CABIN1: variants seen among roughly 807,000 people sequenced by gnomAD.
The protein encoded by CABIN1 is calcineurin-binding protein cabin-1.
A neutral mutation model predicts 227.7 loss-of-function variants in CABIN1; 133 were observed. The ratio of observed to expected loss-of-function variants is 0.58; its 90% CI spans 0.51 to 0.67. The LOEUF (loss-of-function observed/expected upper bound fraction) is 0.67. Ranked by LOEUF, CABIN1 falls within the 30% of genes least tolerant of loss-of-function variation. The pLI is 0.00. For missense variants in CABIN1, 2,408 were observed against 2,852.5 expected, an observed-to-expected ratio of 0.84 and a Z score of 3.55; for synonymous variants, 1,086 against 1,155.1, an observed-to-expected ratio of 0.94 and a Z score of 1.21.
chr22:24,110,072 G>A (rs1056727519), intron 26 of CABIN1, among the ~76,000 whole-genome samples: 1 of 152,220 alleles, frequency 6.6e-6, no homozygotes, highest in Non-Finnish European at 1.5e-5. Context: ...TCAGGAGGCT[G>A]AGGCAGGAGG....
chr22:24,081,139 T>C (rs2040779830), intron 19 of CABIN1, among the ~76,000 whole-genome samples: 1 of 152,226 alleles, frequency 6.6e-6, no homozygotes, highest in South Asian at 2.1e-4. Flanking sequence ...TTTCATATAA[T>C]CTTCATGTGT....
chr22:24,148,835 C>T (rs748981668), intron 29 of CABIN1, among the ~76,000 whole-genome samples: 14 of 152,348 alleles, frequency 9.2e-5, no homozygotes, highest in East Asian at 3.9e-4. Context: ...GTGAGCCCAG[C>T]GGAGGCTGTG....
At chr22:24,134,547 G>A in intron 29 of CABIN1, 132 bp downstream of exon 29, 1 of 731,990 alleles carries the variant, frequency 1.4e-6, no homozygotes, top group East Asian at 2.8e-5. Flanking sequence ...GGCAGGCAGG[G>A]TGGTACAGTC....
intron 12 of CABIN1, 41 bp from the exon 13 acceptor site, chr22:24,061,905 CT>C (rs36007391): frequency 4.0e-5 from 58 of 1,456,582 alleles, no homozygotes; most frequent in Non-Finnish European, 5.5e-5. Context: ...TGTGAAGAGG[CT>C]TTGTGATACT....
intron 1 of CABIN1, among the ~76,000 whole-genome samples, chr22:24,024,080 G>A (rs2035912961): frequency 6.6e-6 from 1 of 152,066 alleles, no homozygotes; most frequent in African/African-American, 2.4e-5. Context: ...TTGTTGAATT[G>A]TAGGAGTTCT....
chr22:24,058,960 G>C (rs543895426), intron 10 of CABIN1, among the ~76,000 whole-genome samples: 1 of 152,226 alleles, frequency 6.6e-6, no homozygotes, highest in Non-Finnish European at 1.5e-5. Flanking sequence ...TGTATTTGGT[G>C]CCTAGCACAG....
At chr22:24,092,688 G>GT (rs1491244157) in intron 24 of CABIN1, among the ~76,000 whole-genome samples, 1 of 3,956 alleles carries the variant, frequency 2.5e-4, no homozygotes, top group Non-Finnish European at 5.6e-4. Context: ...GATTATAAAA[G>GT]TGTGTGTGTG....
At chr22:24,108,793 C>G (rs962661320) in intron 26 of CABIN1, among the ~76,000 whole-genome samples, 1 of 152,220 alleles carries the variant, frequency 6.6e-6, no homozygotes, top group African/African-American at 2.4e-5. Context: ...TTTGACAGGC[C>G]TGTTGTGTCA....
At chr22:24,115,085 C>T (rs1453903266) in intron 27 of CABIN1, among the ~76,000 whole-genome samples, 1 of 152,230 alleles carries the variant, frequency 6.6e-6, no homozygotes, top group Non-Finnish European at 1.5e-5. Context: ...AACTTACACT[C>T]TTAACACTAT....
At chr22:24,173,200 A>G (rs1324528878) in intron 34 of CABIN1, 1 of 151,952 alleles carries the variant, frequency 6.6e-6, no homozygotes, top group African/African-American at 2.4e-5. Flanking sequence ...TGAATTTCCT[A>G]CCCATCTGAA....
At chr22:24,175,709 T>C in intron 34 of CABIN1, 1 of 317,914 alleles carries the variant, frequency 3.1e-6, no homozygotes, top group Non-Finnish European at 6.1e-6. Context: ...TTGGGTTGTT[T>C]GGATTTTGGT....
intron 18 of CABIN1, 54 bp downstream of exon 18, chr22:24,072,564 C>G (rs2040168625): frequency 1.2e-6 from 2 of 1,606,296 alleles, no homozygotes; most frequent in Non-Finnish European, 1.7e-6. Flanking sequence ...TGTCCTTGCC[C>G]CTGTCCTCTG....
intron 29 of CABIN1, among the ~76,000 whole-genome samples, chr22:24,163,933 C>T (rs1259528477): frequency 6.6e-6 from 1 of 152,210 alleles, no homozygotes; most frequent in East Asian, 1.9e-4. Flanking sequence ...AGATGATTCT[C>T]TGGGCACTGC....
At chr22:24,019,552 G>T (rs777804297) in intron 1 of CABIN1, among the ~76,000 whole-genome samples, 6 of 151,770 alleles carry the variant, frequency 4.0e-5, no homozygotes, top group Non-Finnish European at 8.8e-5. Context: ...ACCATGCCCC[G>T]CCTGCTGAGT....
chr22:24,116,916 C>T (rs1026426498), intron 27 of CABIN1, among the ~76,000 whole-genome samples: 4 of 152,360 alleles, frequency 2.6e-5, no homozygotes, highest in Admixed American at 6.5e-5. Flanking sequence ...GCGGCAGGCA[C>T]CAGCCTAGGC....
At chr22:24,130,617 A>G (rs1171024626) in intron 28 of CABIN1, among the ~76,000 whole-genome samples, 1 of 151,974 alleles carries the variant, frequency 6.6e-6, no homozygotes, top group African/African-American at 2.4e-5. Context: ...CCCCTTGCAG[A>G]GGTTCAGCAA....
chr22:24,164,377 C>T, intron 29 of CABIN1, 23 bp from the exon 30 acceptor site: 1 of 1,600,710 alleles, frequency 6.2e-7, no homozygotes, highest in Non-Finnish European at 8.5e-7. Context: ...CCCCCTCACA[C>T]ACCTGTGCCA....
At chr22:24,031,261 TC>T (rs943808434) in intron 1 of CABIN1, among the ~76,000 whole-genome samples, 16 of 152,174 alleles carry the variant, frequency 1.1e-4, no homozygotes, top group African/African-American at 3.9e-4. Flanking sequence ...CTGATTTTTC[TC>T]CTGCCTCTGT....
intron 29 of CABIN1, among the ~76,000 whole-genome samples, chr22:24,158,583 G>A (rs1048513764): frequency 2.0e-5 from 3 of 152,170 alleles, no homozygotes; most frequent in Non-Finnish European, 2.9e-5. Context: ...TGCGGGTGAT[G>A]GGGAAGACTC....
Sources: allele counts gnomAD v4.1 joint callset (sites outside exome capture counted in the v4.1 genomes callset), GRCh38; gene constraint gnomAD v4.1.1; transcripts MANE v1.5; gene names NCBI Gene and HGNC (gene_info 2026-07-23, HGNC 2026-07-21).